Variants in BCAS3 observed in about 807,000 individuals in gnomAD.
BCAS3 encodes BCAS4/BCAS3 fusion.
In BCAS3, 53 loss-of-function variants were observed where a neutral mutation model predicts 116.1. The ratio of observed to expected loss-of-function variants is 0.46; its 90% CI spans 0.37 to 0.57. The LOEUF (loss-of-function observed/expected upper bound fraction) is 0.57. BCAS3 is among the 20% of genes least tolerant of loss of function. BCAS3 has a pLI of 0.00. For synonymous variants in BCAS3, 391 were observed against 408.2 expected (o/e 0.96, Z 0.51); for missense variants, 917 against 1,165.4 (o/e 0.79, Z 3.10).
In BCAS3 at chr17:61,243,506, G is replaced by A. The variant is rs2144512313; in HGVS notation, c.2426-124821G>A. Among the ~76,000 whole-genome samples the A allele has an allele frequency of 6.6e-6, 1 of 152,292 alleles. No individual in the cohort carries two copies. The highest frequency in any genetic ancestry group is 1.9e-4 in the East Asian group (1 of 5,178). On this transcript the variant is annotated intron_variant, in intron 22 of 23. Coordinates refer to ENST00000407086, the MANE Select transcript of BCAS3 (RefSeq NM_017679.5). This position sits in a 1 kb window ranked among gnomAD's most constrained non-coding sequence, Gnocchi z 5.6. ...TTCCTTTTGATATATACACCCAGCA[G>A]TGGGACTGCTGGGTCATATGGTGGT...
At chr17:60,972,953 T>C (rs1401391706) in intron 14 of BCAS3, among the ~76,000 whole-genome samples, 1 of 152,226 alleles carries the variant, frequency 6.6e-6, no homozygotes, top group Non-Finnish European at 1.5e-5. Context: ...TCTCTTCGTC[T>C]TGAGACTTTT....
intron 6 of BCAS3, among the ~76,000 whole-genome samples, chr17:60,801,895 A>G (rs1442581152): frequency 6.6e-6 from 1 of 151,990 alleles, no homozygotes; most frequent in Non-Finnish European, 1.5e-5. Context: ...TCATCTATGT[A>G]TTGACTGTTT....
At chr17:61,003,033 G>A (rs2064367272) in intron 15 of BCAS3, among the ~76,000 whole-genome samples, 1 of 151,660 alleles carries the variant, frequency 6.6e-6, no homozygotes, top group Non-Finnish European at 1.5e-5. Context: ...CCACTCTCGG[G>A]TGTCATTCCC....
At chr17:60,880,867 T>A (rs974340550) in intron 9 of BCAS3, among the ~76,000 whole-genome samples, 1 of 152,238 alleles carries the variant, frequency 6.6e-6, no homozygotes, top group African/African-American at 2.4e-5. Context: ...TGGTAATATT[T>A]TATATTCTAG....
intron 22 of BCAS3, among the ~76,000 whole-genome samples, chr17:61,212,612 G>A (rs977798289): frequency 5.9e-5 from 9 of 151,580 alleles, no homozygotes; most frequent in African/African-American, 2.2e-4. Flanking sequence ...CATGTATAAA[G>A]ATATATACAT....
In BCAS3 at chr17:60,809,589, G is replaced by T. The variant is rs143409172; in HGVS notation, c.476+1513G>T. On this transcript the variant is annotated intron_variant, in intron 7 of 23. Transcript: ENST00000407086. Reference sequence around the variant, plus strand: ...TACCTGCTGTGCTTGGAAAATTTTCGCTCATCTCTGAGTGGCAGGTATTGC... The same window carrying T: ...TACCTGCTGTGCTTGGAAAATTTTCTCTCATCTCTGAGTGGCAGGTATTGC... Among the ~76,000 whole-genome samples the T allele has an allele frequency of 5.9e-5, 9 of 152,218 alleles. No homozygotes were observed. In the South Asian group the frequency reaches 1.5e-3, roughly 25 times the overall value.
intron 22 of BCAS3, among the ~76,000 whole-genome samples, chr17:61,298,251 T>A (rs1227518129): frequency 6.6e-6 from 1 of 151,994 alleles, no homozygotes; most frequent in Non-Finnish European, 1.5e-5. Flanking sequence ...CCAACACACT[T>A]TTATGCCTAG....
At chr17:60,773,761 C>A (rs2044986730) in intron 6 of BCAS3, among the ~76,000 whole-genome samples, 1 of 152,140 alleles carries the variant, frequency 6.6e-6, no homozygotes. Context: ...GATCCTCCTG[C>A]CTCAGTGTCC....
chr17:61,377,805 T>C lies in BCAS3; in HGVS notation c.2593+9311T>C, dbSNP rs1216378215. On this transcript the variant is annotated intron_variant, in intron 23 of 23. Coordinates refer to ENST00000407086, the MANE Select transcript of BCAS3 (RefSeq NM_017679.5). This position sits in a 1 kb window ranked among gnomAD's most constrained non-coding sequence, Gnocchi z 4.6. ...CTCTAATTGTCAGAGCACTGCCAGG[T>C]AGACCTTCCCCTCTCCAGTTTACAA... 1 of 152,214 alleles carries C rather than the reference T, an allele frequency of 6.6e-6. No homozygotes were observed. The highest frequency in any genetic ancestry group is 1.5e-5 in the Non-Finnish European group (1 of 68,054). The allele number at this position is 152,214 out of a possible 1,614,324, so 9.4% of individuals were successfully genotyped here.
At chr17:60,774,871 G>A (rs1598624391) in intron 6 of BCAS3, among the ~76,000 whole-genome samples, 2 of 152,290 alleles carry the variant, frequency 1.3e-5, no homozygotes, top group Non-Finnish European at 2.9e-5. Context: ...ACTGTCCTGG[G>A]CTGCGTGTTG....
intron 19 of BCAS3, among the ~76,000 whole-genome samples, chr17:61,046,323 T>C (rs1166234249): frequency 2.7e-5 from 4 of 149,328 alleles, no homozygotes; most frequent in African/African-American, 7.4e-5. Context: ...TTTCCTTAAC[T>C]ATATTGGAAA....
rs201558158 is a variant in BCAS3 at position 61,373,734 on chromosome 17, T to TCC, written c.2593+5240_2593+5241insCC. 6.4e-5 allele frequency among the ~76,000 whole-genome samples: 9 copies of TCC among 141,360 alleles called. 1 individual carries two copies. Among genetic ancestry groups the TCC allele is most frequent in the Admixed American group, 3.6e-4 (5 of 13,926 alleles). The allele number at this position is 141,360 out of a possible 152,430, so 92.7% of individuals were successfully genotyped here. A position where few individuals can be genotyped will look rare whatever the true frequency, so the allele number is the denominator to read the frequency against. On this transcript the variant is annotated intron_variant, in intron 23 of 23. Coordinates refer to ENST00000407086, the MANE Select transcript of BCAS3 (RefSeq NM_017679.5). Reference sequence around the variant, plus strand: ...GGCATGAACCACGATGCCCAGCCCCTGTTTAAAGTATTCTTGATGCATCTC... The same window carrying TCC: ...GGCATGAACCACGATGCCCAGCCCCTCCGTTTAAAGTATTCTTGATGCATCTC...
chr17:61,072,819 C>T (rs2143440196), intron 19 of BCAS3, among the ~76,000 whole-genome samples: 1 of 152,242 alleles, frequency 6.6e-6, no homozygotes, highest in South Asian at 2.1e-4. Context: ...TACTTATTCC[C>T]TTTATGTTTA....
At position 61,313,319 on chromosome 17, in the gene BCAS3, T is replaced by A. The variant is rs1389362400; in HGVS notation, c.2426-55008T>A. On this transcript the variant is annotated intron_variant, in intron 22 of 23. Transcript: ENST00000407086. The surrounding 1 kb of genome is among the most constrained non-coding windows in gnomAD (Gnocchi z 4.3). ...ATTCTACTCCAAAGACTGTCTTCCC[T>A]CCACCATGCCCTACTACCTTCCTAT... Among the ~76,000 whole-genome samples, 1 of 152,210 alleles carries A rather than the reference T, an allele frequency of 6.6e-6. No homozygotes were observed. Among genetic ancestry groups the A allele is most frequent in the East Asian group, 1.9e-4 (1 of 5,196 alleles).
chr17:61,203,399 G>A lies in BCAS3; in HGVS notation c.2425+118835G>A, dbSNP rs2080952824. Among the ~76,000 whole-genome samples, 1 of 152,068 alleles carries A rather than the reference G, an allele frequency of 6.6e-6. No homozygotes were observed. The highest frequency in any genetic ancestry group is 2.4e-5 in the African/African-American group (1 of 41,392). On this transcript the variant is annotated intron_variant, in intron 22 of 23. Coordinates refer to ENST00000407086, the MANE Select transcript of BCAS3 (RefSeq NM_017679.5). This position sits in a 1 kb window ranked among gnomAD's most constrained non-coding sequence, Gnocchi z 5.7. Reference sequence around the variant, plus strand: ...TTTCAAACTCCTGACCTTGTGATCTGCTCACCTCGGCCTCCCAAAGTGCTG... The same window carrying A: ...TTTCAAACTCCTGACCTTGTGATCTACTCACCTCGGCCTCCCAAAGTGCTG...
At chr17:60,743,140 T>C (rs1163315710) in intron 5 of BCAS3, among the ~76,000 whole-genome samples, 6 of 151,868 alleles carry the variant, frequency 4.0e-5, no homozygotes, top group Non-Finnish European at 8.8e-5. Context: ...ATTTGTAATA[T>C]TTTCATACAA....
At chr17:61,329,344 T>A (rs1317231316) in intron 22 of BCAS3, among the ~76,000 whole-genome samples, 5 of 55,836 alleles carry the variant, frequency 9.0e-5, no homozygotes, top group East Asian at 1.1e-3. Flanking sequence ...ATTATTATTA[T>A]TTTTTTTTTT....
chr17:60,811,914 A>T (rs544656886), intron 7 of BCAS3, among the ~76,000 whole-genome samples: 1 of 152,264 alleles, frequency 6.6e-6, no homozygotes, highest in African/African-American at 2.4e-5. Context: ...TTAGCTGGGC[A>T]TGATGGCACA....
chr17:61,163,557 T>C (rs2144073917), intron 22 of BCAS3, among the ~76,000 whole-genome samples: 1 of 152,314 alleles, frequency 6.6e-6, no homozygotes, highest in South Asian at 2.1e-4. Flanking sequence ...ATCTGAAGTA[T>C]AATTACAGTA....
Sources: gnomAD v4.1 joint callset for allele counts (sites outside exome capture counted in the v4.1 genomes callset) on GRCh38, gnomAD v4.1.1 for gene constraint, Gnocchi (gnomAD v3.1) non-coding constraint, MANE v1.5 for transcripts, NCBI Gene and HGNC (gene_info 2026-07-23, HGNC 2026-07-21) for gene names.